ZC3H4: variants seen among roughly 807,000 people sequenced by gnomAD.
ZC3H4 encodes the protein zinc finger CCCH domain-containing protein 4.
In ZC3H4, 13 loss-of-function variants were observed where a neutral mutation model predicts 108.3. That is an observed-to-expected ratio of 0.12 (90% CI 0.08 to 0.19). The LOEUF (loss-of-function observed/expected upper bound fraction) is 0.19, where lower values mean the gene tolerates loss of function less well. ZC3H4 is among the 10% of genes least tolerant of loss of function. The probability of loss-of-function intolerance (pLI) is 1.00; values close to 1 mark genes in which losing one functional copy is unlikely to be tolerated. For missense variants in ZC3H4, 1,734 were observed against 1,838.8 expected, an observed-to-expected ratio of 0.94 and a Z score of 1.04; for synonymous variants, 917 against 749.6, an observed-to-expected ratio of 1.22 and a Z score of -3.65.
chr19:47,064,305 T>TA lies in ZC3H4; in HGVS notation c.*2050dup, dbSNP rs2122606511. ...TATGGAGTATAAAAAGGGTGTGAAATAGTCATGCGGCGATCATTGTAAAAA... is the reference window on the plus strand; with the variant it reads ...TATGGAGTATAAAAAGGGTGTGAAATAAGTCATGCGGCGATCATTGTAAAAA... On this transcript the variant is annotated 3_prime_UTR_variant, in exon 15 of 15. Coordinates refer to ENST00000253048, the MANE Select transcript of ZC3H4 (RefSeq NM_015168.2). The TA allele has an allele frequency of 6.6e-6, 1 of 152,614 alleles. No homozygotes were observed. The highest frequency in any genetic ancestry group is 2.1e-4 in the South Asian group (1 of 4,824). 9.5% of individuals were successfully genotyped at this position (152,614 alleles called of 1,614,324 possible).
chr19:47,085,048 C>T lies in ZC3H4; in HGVS notation c.1107+8G>A. 2 of 1,614,150 alleles carry T rather than the reference C, an allele frequency of 1.2e-6. No individual in the cohort carries two copies. The highest frequency in any genetic ancestry group is 1.7e-6 in the Non-Finnish European group (2 of 1,179,998). On this transcript the variant is annotated splice_region_variant and intron_variant, in intron 8 of 14. Transcript: ENST00000253048. ...CCCAAACATCAGATCAGAGTGGAGT[C>T]AACTCACGCCCATGTCCTCGTCATA...
intron 4 of ZC3H4, among the ~76,000 whole-genome samples, chr19:47,091,928 G>A (rs1222510416): frequency 2.0e-5 from 3 of 151,862 alleles, no homozygotes; most frequent in African/African-American, 7.3e-5. Flanking sequence ...AAAAAAGTCG[G>A]CTGCGCATGG....
intron 2 of ZC3H4, among the ~76,000 whole-genome samples, chr19:47,110,505 G>A (rs1160192538): frequency 6.6e-6 from 1 of 152,084 alleles, no homozygotes; most frequent in East Asian, 1.9e-4. Flanking sequence ...GGGCTCAACA[G>A]GGTTAGAATC....
chr19:47,091,331 G>A lies in ZC3H4; in HGVS notation c.493-1142C>T, dbSNP rs574503629. On this transcript the variant is annotated intron_variant, in intron 4 of 14. Coordinates refer to ENST00000253048, the MANE Select transcript of ZC3H4 (RefSeq NM_015168.2). ...CACACCTGTAATCCCAGCACTGTGG[G>A]AGGCCCAGGCAGGCAGATCTCTTGA... 4.6e-5 allele frequency among the ~76,000 whole-genome samples: 7 copies of A among 152,248 alleles called. No homozygotes were observed. The East Asian group carries it at 7.7e-4, about 17-fold the overall frequency.
rs747467999 is a variant in ZC3H4 at position 47,067,114 on chromosome 19, T to C, written c.3154A>G (p.Thr1052Ala). 2.5e-6 allele frequency: 4 copies of C among 1,611,820 alleles called. No individual in the cohort carries two copies. Among genetic ancestry groups the C allele is most frequent in the South Asian group, 2.2e-5 (2 of 90,852 alleles). ...GCCGAGGAGCCGGTGGCATTGACTG[T>C]CTTGAGGATGCGAGACAGAAGTTCA... ...DFELLSRILK[T>A]VNATGSSAAP... Residue 1052 changes from threonine (T) to alanine (A), a missense_variant, in exon 15 of 15, where the codon ACA (threonine) becomes GCA (alanine). Thr to Ala is a moderately conservative substitution (Grantham distance 58, BLOSUM62 0). This residue lies in a region of ZC3H4 where 518 missense variants were observed against 499.6 expected (regional missense o/e 1.04). Coordinates refer to ENST00000253048, the MANE Select transcript of ZC3H4 (RefSeq NM_015168.2). The surrounding 1 kb of genome is among the most constrained non-coding windows in gnomAD (Gnocchi z 6.4).
At chr19:47,095,177 G>A (rs1202166466) in intron 2 of ZC3H4, among the ~76,000 whole-genome samples, 1 of 152,220 alleles carries the variant, frequency 6.6e-6, no homozygotes, top group African/African-American at 2.4e-5. Context: ...GAGGCTGAGG[G>A]CGGTGGCTGT....
Position 47,071,978 on chromosome 19 carries a change from T to G in ZC3H4, c.1946A>C (p.His649Pro). The G allele has an allele frequency of 6.4e-7, 1 of 1,573,030 alleles. No homozygotes were observed. Among genetic ancestry groups the G allele is most frequent in the East Asian group, 2.2e-5 (1 of 44,482 alleles). ...DMHPDMHADMHADMPMGPGMN... is the reference protein window; with the variant it reads ...DMHPDMHADMPADMPMGPGMN... ...GCCAGGGCCCATCGGCATGTCTGCG[T>G]GCATGTCTGCGTGCATGTCAGGGTG... Residue 649 changes from histidine to proline, a missense_variant, in exon 13 of 15, where the codon CAC becomes CCC. Transcript: ENST00000253048.
rs1450384585 is a variant in ZC3H4, at chr19:47,090,177, A to T, written c.505T>A (p.Tyr169Asn). 1.9e-6 allele frequency: 3 copies of T among 1,614,134 alleles called. No individual in the cohort carries two copies. In the Admixed American group the frequency reaches 5.0e-5, roughly 27 times the overall value. The change falls in exon 5 of 15, where the codon TAC becomes AAC. Residue 169 changes from tyrosine (Y) to asparagine (N), a missense_variant. By Grantham distance (143) the Tyr-to-Asn change is moderately radical. Coordinates refer to ENST00000253048, the MANE Select transcript of ZC3H4 (RefSeq NM_015168.2). ...AGGGGCGTGGCATGCGATGGGGGGT[A>T]CTGCTGGTGGGACTGCGTCCCAGAG... ...SPPYAPSHQQ[Y>N]PPSHATPLPK...
Position 47,072,333 on chromosome 19 carries a change from G to C in ZC3H4, c.1802+19C>G, listed in dbSNP as rs201206623. On this transcript the variant is annotated intron_variant, in intron 12 of 14. Coordinates refer to ENST00000253048, the MANE Select transcript of ZC3H4 (RefSeq NM_015168.2). This position sits in a 1 kb window ranked among gnomAD's most constrained non-coding sequence, Gnocchi z 5.6. ...CAGGACAGCGCCCACTGCCTGTCAC[G>C]GGGGTCCAGGGCACTCACCTCACAC... 6.2e-7 allele frequency: 1 copy of C among 1,609,364 alleles called. No individual in the cohort carries two copies. Among genetic ancestry groups the C allele is most frequent in the South Asian group, 1.1e-5 (1 of 90,386 alleles).
At chr19:47,102,017 G>C (rs188329243) in intron 2 of ZC3H4, among the ~76,000 whole-genome samples, 68 of 152,310 alleles carry the variant, frequency 4.5e-4, no homozygotes, top group African/African-American at 1.6e-3. Context: ...CTGGGTGACA[G>C]ATTGAGACTT....
chr19:47,079,750 A>G (rs1202617329), intron 11 of ZC3H4, among the ~76,000 whole-genome samples: 5 of 152,122 alleles, frequency 3.3e-5, no homozygotes, highest in Non-Finnish European at 7.4e-5. Flanking sequence ...AGCTGGGCGC[A>G]GCGGCATGCG....
chr19:47,080,392 C>T (rs1426670664), intron 11 of ZC3H4, among the ~76,000 whole-genome samples: 1 of 152,142 alleles, frequency 6.6e-6, no homozygotes, highest in Non-Finnish European at 1.5e-5. Flanking sequence ...CCCCAACTTC[C>T]CTCTATTTTC....
At position 47,064,503 on chromosome 19, in the gene ZC3H4, AAG is replaced by A. The variant is rs1474019495; in HGVS notation, c.*1851_*1852del. The A allele has an allele frequency of 1.3e-5, 2 of 152,486 alleles. No individual in the cohort carries two copies. Among genetic ancestry groups the A allele is most frequent in the Non-Finnish European group, 2.9e-5 (2 of 68,036 alleles). The allele number at this position is 152,486 out of a possible 1,614,324, so 9.4% of individuals were successfully genotyped here. On this transcript the variant is annotated 3_prime_UTR_variant, in exon 15 of 15. Transcript: ENST00000253048. Reference sequence around the variant, plus strand: ...ATGAGGTTCTTAGGCTGAATATTCCAAGAGGAGGGCTCCAGCTTCTATTTCAT... The same window carrying A: ...ATGAGGTTCTTAGGCTGAATATTCCAAGGAGGGCTCCAGCTTCTATTTCAT...
rs779023898 is a variant in ZC3H4, at chr19:47,066,919, C to T, written c.3349G>A (p.Ala1117Thr). The T allele has an allele frequency of 1.3e-6, 2 of 1,596,498 alleles. No homozygotes were observed. The highest frequency in any genetic ancestry group is 1.7e-6 in the Non-Finnish European group (2 of 1,175,654). Residue 1117 changes from alanine (A) to threonine (T), a missense_variant, in exon 15 of 15, where the codon GCC (alanine) becomes ACC (threonine). Coordinates refer to ENST00000253048, the MANE Select transcript of ZC3H4 (RefSeq NM_015168.2). ...ACGCGGGGGTCGTAGGGAGCGGTGG[C>T]TGGTGGGGAGGCATCCCCACTCGGG... ...ASPSGDASPP[A>T]TAPYDPRVLA... is the part of the protein sequence containing the mutation.
Position 47,112,558 on chromosome 19 carries a change from CGG to C in ZC3H4, c.25_26del (p.Pro9AlafsTer43). On this transcript the variant is annotated frameshift_variant, in exon 2 of 15. Coordinates refer to ENST00000253048, the MANE Select transcript of ZC3H4 (RefSeq NM_015168.2). LOFTEE classifies it high-confidence loss of function. MEAAPGTP[P>X]PPPSESPPPP... ...GCGGCGGCGACTCTGATGGCGGCGG[CGG>C]GGGGGTCCCGGGCGCGGCCTCCATA... 4 of 1,016,866 alleles carry C rather than the reference CGG, an allele frequency of 3.9e-6. No individual in the cohort carries two copies. Among genetic ancestry groups the C allele is most frequent in the Non-Finnish European group, 5.1e-6 (4 of 789,348 alleles). 63.0% of individuals were successfully genotyped at this position (1,016,866 alleles called of 1,614,324 possible).
chr19:47,093,675 T>G (rs1036359049), intron 4 of ZC3H4: 3 of 263,860 alleles, frequency 1.1e-5, no homozygotes, highest in African/African-American at 6.6e-5. Context: ...CACTGCAACC[T>G]TAAACTTCTG....
At chr19:47,107,134 C>T (rs573610094) in intron 2 of ZC3H4, among the ~76,000 whole-genome samples, 1 of 152,338 alleles carries the variant, frequency 6.6e-6, no homozygotes, top group East Asian at 1.9e-4. Flanking sequence ...CTTAAGATGG[C>T]TTCCACTTAG....
Position 47,067,972 on chromosome 19 carries a change from C to T in ZC3H4, c.2399-103G>A. The T allele has an allele frequency of 8.8e-7, 1 of 1,139,822 alleles. No individual in the cohort carries two copies. The highest frequency in any genetic ancestry group is 1.2e-6 in the Non-Finnish European group (1 of 800,164). The allele number at this position is 1,139,822 out of a possible 1,614,324, so 70.6% of individuals were successfully genotyped here. On this transcript the variant is annotated intron_variant, in intron 14 of 14. Transcript: ENST00000253048. The surrounding 1 kb of genome is among the most constrained non-coding windows in gnomAD (Gnocchi z 6.4). The stretch of plus-strand genomic sequence containing the variant: ...CCGTGAGCAGCTCCTTTGCTTGTGC[C>T]TCTCAGAACCTCAGGTCCTCCTCTC...
At chr19:47,085,257 A>C (rs1307392000) in intron 7 of ZC3H4, 61 bp downstream of exon 7, 2 of 1,557,186 alleles carry the variant, frequency 1.3e-6, no homozygotes, top group Non-Finnish European at 1.7e-6. Context: ...CCAGGACTAG[A>C]TTCCAGCAGC....
Sources: allele counts gnomAD v4.1 joint callset (sites outside exome capture counted in the v4.1 genomes callset), GRCh38; gene constraint gnomAD v4.1.1; regional missense constraint gnomAD v4.1.1; non-coding constraint Gnocchi (gnomAD v3.1); transcripts MANE v1.5; gene names NCBI Gene and HGNC (gene_info 2026-07-23, HGNC 2026-07-21).